Variants in PCDH7 observed in about 807,000 individuals in gnomAD.
The protein encoded by PCDH7 is protocadherin 7.
A neutral mutation model predicts 58.9 loss-of-function variants in PCDH7; 17 were observed. The ratio of observed to expected loss-of-function variants is 0.29; its 90% confidence interval spans 0.20 to 0.43. The LOEUF (loss-of-function observed/expected upper bound fraction) is 0.43, where lower values mean the gene tolerates loss of function less well. PCDH7 is among the 20% of genes least tolerant of loss of function. The pLI, the probability that PCDH7 is intolerant of heterozygous loss-of-function variation, is 1.00. For synonymous variants in PCDH7, 664 were observed against 616.4 expected (o/e 1.08, Z -1.14); for missense variants, 1,274 against 1,441.0 (o/e 0.88, Z 1.88).
At chr4:31,125,643 C>T (rs1445679281) in intron 3 of PCDH7, among the ~76,000 whole-genome samples, 2 of 152,150 alleles carry the variant, frequency 1.3e-5, no homozygotes, top group African/African-American at 2.4e-5. Context: ...AATAATCTCT[C>T]GTGATGCTAG....
chr4:30,812,105 C>G (rs966785592), intron 1 of PCDH7, among the ~76,000 whole-genome samples: 6 of 152,156 alleles, frequency 3.9e-5, no homozygotes, highest in Non-Finnish European at 7.3e-5. Flanking sequence ...GAGGCAACTG[C>G]TCCTGAATCT....
chr4:30,772,481 C>G (rs1457487458), intron 1 of PCDH7, among the ~76,000 whole-genome samples: 1 of 152,148 alleles, frequency 6.6e-6, no homozygotes, highest in African/African-American at 2.4e-5. Context: ...CCTGAATTAG[C>G]CTGTTATATG....
At chr4:30,888,270 CT>C (rs1314995307) in intron 1 of PCDH7, among the ~76,000 whole-genome samples, 1 of 148,642 alleles carries the variant, frequency 6.7e-6, no homozygotes, top group African/African-American at 2.5e-5. Flanking sequence ...ATGAAGTAGT[CT>C]TATGAAACAC....
intron 3 of PCDH7, among the ~76,000 whole-genome samples, chr4:31,004,969 A>C (rs1752655064): frequency 6.6e-6 from 1 of 152,158 alleles, no homozygotes; most frequent in Admixed American, 6.5e-5. Context: ...CGAAAAAAAC[A>C]AAATAAAGCC....
intron 1 of PCDH7, among the ~76,000 whole-genome samples, chr4:30,846,397 T>A (rs1731953383): frequency 6.6e-6 from 1 of 152,098 alleles, no homozygotes; most frequent in Non-Finnish European, 1.5e-5. Flanking sequence ...CTTACCCTTC[T>A]TCTTCCTTTC....
At chr4:30,820,013 AAG>A (rs1006927161) in intron 1 of PCDH7, among the ~76,000 whole-genome samples, 1 of 152,182 alleles carries the variant, frequency 6.6e-6, no homozygotes, top group African/African-American at 2.4e-5. Context: ...CAGAACAATT[AAG>A]AGAGTAAAAA....
intron 1 of PCDH7, among the ~76,000 whole-genome samples, chr4:30,853,998 A>G (rs1166158625): frequency 2.0e-5 from 3 of 152,014 alleles, no homozygotes; most frequent in Non-Finnish European, 4.4e-5. Flanking sequence ...ATGATAGTAA[A>G]TACCAGTTCT....
rs181270502 is a variant in PCDH7, at chr4:30,793,576, G to A, written c.70+68980G>A. Among the ~76,000 whole-genome samples the A allele has an allele frequency of 1.1e-3, 169 of 151,990 alleles. 1 individual carries two copies. Among genetic ancestry groups the A allele is most frequent in the African/African-American group, 3.6e-3 (151 of 41,454 alleles). On this transcript the variant is annotated intron_variant, in intron 1 of 3. Coordinates refer to the PCDH7 transcript ENST00000509759. ...AAGAAAAAGCTGCAGAATTGTTGAT[G>A]GCTGTGTCACATACCAGCAGAATTA...
intron 3 of PCDH7, among the ~76,000 whole-genome samples, chr4:31,074,604 G>A (rs1240398369): frequency 1.3e-5 from 2 of 150,098 alleles, no homozygotes; most frequent in African/African-American, 5.0e-5. Flanking sequence ...CTAACATGGT[G>A]AAACCCTGTC....
intron 1 of PCDH7, among the ~76,000 whole-genome samples, chr4:30,727,317 T>C (rs1714748392): frequency 6.6e-6 from 1 of 151,958 alleles, no homozygotes; most frequent in African/African-American, 2.4e-5. Flanking sequence ...GTTTTCATTA[T>C]AATAGGTTAA....
chr4:30,885,438 G>A (rs143923881), intron 1 of PCDH7, among the ~76,000 whole-genome samples: 1 of 152,152 alleles, frequency 6.6e-6, no homozygotes, highest in African/African-American at 2.4e-5. Flanking sequence ...ATTGGCACAT[G>A]GTTCCTAATG....
intron 3 of PCDH7, among the ~76,000 whole-genome samples, chr4:31,093,415 A>G (rs1262817722): frequency 6.6e-6 from 1 of 152,140 alleles, no homozygotes; most frequent in Non-Finnish European, 1.5e-5. Context: ...AAAATGACTT[A>G]CAGCCTTCTT....
intron 1 of PCDH7, among the ~76,000 whole-genome samples, chr4:30,882,584 T>G (rs2109372420): frequency 6.6e-6 from 1 of 152,258 alleles, no homozygotes. Context: ...CAGAGGATGT[T>G]AAATACAAGG....
intron 3 of PCDH7, among the ~76,000 whole-genome samples, chr4:30,969,813 T>A (rs1187679826): frequency 6.6e-6 from 1 of 152,232 alleles, no homozygotes; most frequent in Non-Finnish European, 1.5e-5. Flanking sequence ...AAATTACAGA[T>A]GCTGGAGTCA....
intron 1 of PCDH7, among the ~76,000 whole-genome samples, chr4:30,729,660 A>G (rs1577562812): frequency 6.6e-6 from 1 of 152,094 alleles, no homozygotes; most frequent in East Asian, 1.9e-4. Context: ...CTTTTTATGC[A>G]TTCTAATTGT....
At chr4:30,989,064 T>A (rs891235131) in intron 3 of PCDH7, among the ~76,000 whole-genome samples, 1 of 152,204 alleles carries the variant, frequency 6.6e-6, no homozygotes, top group Non-Finnish European at 1.5e-5. Flanking sequence ...CCACAATTTA[T>A]TTTTAGCATT....
intron 1 of PCDH7, among the ~76,000 whole-genome samples, chr4:30,744,643 T>C (rs1268068000): frequency 6.6e-6 from 1 of 152,156 alleles, no homozygotes; most frequent in East Asian, 1.9e-4. Context: ...GGATGACACT[T>C]GGCACTTGGC....
intron 3 of PCDH7, among the ~76,000 whole-genome samples, chr4:31,073,835 A>G (rs997364522): frequency 1.3e-5 from 2 of 152,080 alleles, no homozygotes; most frequent in African/African-American, 2.4e-5. Flanking sequence ...AAATCCTCCA[A>G]TCCATCTCTC....
intron 1 of PCDH7, among the ~76,000 whole-genome samples, chr4:30,727,205 T>C (rs1714731655): frequency 6.6e-6 from 1 of 151,958 alleles, no homozygotes; most frequent in Admixed American, 6.6e-5. Flanking sequence ...AATTGCCTTA[T>C]TGCAGTTATT....
Sources: allele counts gnomAD v4.1 joint callset (sites outside exome capture counted in the v4.1 genomes callset), GRCh38; gene constraint gnomAD v4.1.1; transcripts MANE v1.5; gene names NCBI Gene and HGNC (gene_info 2026-07-23, HGNC 2026-07-21).